RETSAT: variants seen among roughly 807,000 people sequenced by gnomAD.
The protein encoded by RETSAT is all-trans-retinol 13,14-reductase.
RETSAT carries 35 observed loss-of-function variants against 61.6 expected under a neutral mutation model. The observed-to-expected ratio is 0.57, with a 90% confidence interval of 0.43 to 0.75. The LOEUF (loss-of-function observed/expected upper bound fraction) is 0.75. Among genes scored for constraint, RETSAT ranks in the 30% least tolerant of loss-of-function variants. The pLI, the probability that RETSAT is intolerant of heterozygous loss-of-function variation, is 0.00. For synonymous variants in RETSAT, 277 were observed against 310.4 expected (o/e 0.89, Z 1.13); for missense variants, 670 against 759.5 (o/e 0.88, Z 1.38).
At chr2:85,343,494 G>A (rs1683123733) in intron 10 of RETSAT, 113 bp from the exon 11 acceptor site, 1 of 1,527,056 alleles carries the variant, frequency 6.5e-7, no homozygotes. Flanking sequence ...GCTCCAATCA[G>A]ACAGGGGCCA....
Position 85,344,737 on chromosome 2 carries a change from CA to C in RETSAT, c.1118-6del, listed in dbSNP as rs1486306936. 4 of 1,613,774 alleles carry C rather than the reference CA, an allele frequency of 2.5e-6. No homozygotes were observed. The highest frequency in any genetic ancestry group is 3.4e-6 in the Non-Finnish European group (4 of 1,179,770). ...TCCCCAGTTGCTGCTTCACACCTGC[CA>C]GGGGGAGTGGTTGGTGCCTGTGTGG... On this transcript the variant is annotated splice_polypyrimidine_tract_variant and splice_region_variant and intron_variant, in intron 6 of 10. Coordinates refer to ENST00000295802, the MANE Select transcript of RETSAT (RefSeq NM_017750.4).
intron 1 of RETSAT, among the ~76,000 whole-genome samples, chr2:85,353,975 G>A (rs558239116): frequency 6.6e-6 from 1 of 152,296 alleles, no homozygotes; most frequent in Admixed American, 6.5e-5. Flanking sequence ...CCCTGAGCTC[G>A]CATGGGAGGG....
At chr2:85,351,067 G>C (rs771641017) in intron 2 of RETSAT, 46 bp from the exon 3 acceptor site, 2 of 1,607,980 alleles carry the variant, frequency 1.2e-6, no homozygotes, top group Non-Finnish European at 1.7e-6. Context: ...TATGGGGATT[G>C]AGCCCTGGAA....
In RETSAT at chr2:85,343,980, C is replaced by T; in HGVS notation, c.1533+19G>A. ...AGCACCGTGAGGTTCGTCACCACCC[C>T]AAATACTTTACCCCCTACCTTCCCC... On this transcript the variant is annotated intron_variant, in intron 9 of 10. Coordinates refer to ENST00000295802, the MANE Select transcript of RETSAT (RefSeq NM_017750.4). 1.9e-6 allele frequency: 3 copies of T among 1,613,416 alleles called. No homozygotes were observed. The highest frequency in any genetic ancestry group is 2.5e-6 in the Non-Finnish European group (3 of 1,179,650).
At chr2:85,349,655 T>A in intron 4 of RETSAT, 74 bp from the exon 5 acceptor site, 1 of 1,298,610 alleles carries the variant, frequency 7.7e-7, no homozygotes. Context: ...CGTGGAATTC[T>A]GTGAGATAAC....
Position 85,343,329 on chromosome 2 carries a change from C to A in RETSAT, c.1746G>T (p.Leu582=). 3 of 1,614,276 alleles carry A rather than the reference C, an allele frequency of 1.9e-6. No individual in the cohort carries two copies. Among genetic ancestry groups the A allele is most frequent in the Non-Finnish European group, 2.5e-6 (3 of 1,180,048 alleles). ...TCCGCTTCAGGATGGCGCTGCTGCA[C>A]AGCAGGGCACCTTGCAGGGCCCCGA... ...GLVGALQGAL[L]CSSAILKRNL... Residue 582 remains leucine (L), a synonymous_variant, in exon 11 of 11, where the codon CTG becomes CTT. Coordinates refer to ENST00000295802, the MANE Select transcript of RETSAT (RefSeq NM_017750.4).
At chr2:85,351,653 C>T in intron 2 of RETSAT, 27 bp downstream of exon 2, 1 of 1,606,092 alleles carries the variant, frequency 6.2e-7, no homozygotes, top group Non-Finnish European at 8.5e-7. Context: ...CAGCCATGCT[C>T]CCAACCCTTT....
chr2:85,347,404 T>A (rs981426692), intron 5 of RETSAT, among the ~76,000 whole-genome samples: 1 of 152,142 alleles, frequency 6.6e-6, no homozygotes, highest in African/African-American at 2.4e-5. Context: ...AATTTTGGTA[T>A]TTTTAGTAAA....
intron 5 of RETSAT, among the ~76,000 whole-genome samples, chr2:85,347,664 G>C (rs755216564): frequency 6.6e-6 from 1 of 152,226 alleles, no homozygotes; most frequent in Non-Finnish European, 1.5e-5. Context: ...CACTGCGCCC[G>C]GCCTCTTTTA....
chr2:85,353,777 C>T lies in RETSAT; in HGVS notation c.172+559G>A, dbSNP rs571016554. Among the ~76,000 whole-genome samples the T allele has an allele frequency of 2.6e-5, 4 of 152,318 alleles. No homozygotes were observed. The South Asian group carries it at 8.3e-4, about 32-fold the overall frequency. On this transcript the variant is annotated intron_variant, in intron 1 of 10. Coordinates refer to ENST00000295802, the MANE Select transcript of RETSAT (RefSeq NM_017750.4). ...AGCAGAACTCTTTAAACTCTAGAAGCAACCACAAAATATGTTTTAAAGATG... is the reference window on the plus strand; with the variant it reads ...AGCAGAACTCTTTAAACTCTAGAAGTAACCACAAAATATGTTTTAAAGATG...
intron 1 of RETSAT, 87 bp downstream of exon 1, chr2:85,354,249 T>A (rs1683383483): frequency 1.4e-6 from 2 of 1,444,778 alleles, no homozygotes; most frequent in South Asian, 2.4e-5. Context: ...GGCCCACGTC[T>A]GGTAGCGGCT....
rs552070161 is a variant in RETSAT, at chr2:85,343,386, G to C, written c.1694-5C>G. 6.2e-7 allele frequency: 1 copy of C among 1,611,278 alleles called. No individual in the cohort carries two copies. Among genetic ancestry groups the C allele is most frequent in the Middle Eastern group, 1.8e-4 (1 of 5,578 alleles). On this transcript the variant is annotated splice_polypyrimidine_tract_variant and splice_region_variant and intron_variant, in intron 10 of 10. Coordinates refer to ENST00000295802, the MANE Select transcript of RETSAT (RefSeq NM_017750.4). The stretch of plus-strand genomic sequence containing the variant: ...CACAGGTGAAGATATCCTGGCCTAG[G>C]AGGCAAGAGCAGAGGCCCCTGAGCG...
Position 85,342,574 on chromosome 2 carries a change from A to C in RETSAT, c.*668T>G, listed in dbSNP as rs953742747. ...TAAGGAAGACAGACCCGGGACTTCC[A>C]TATGAATTGGATATGATCATCTGAC... On this transcript the variant is annotated 3_prime_UTR_variant, in exon 11 of 11. Coordinates refer to ENST00000295802, the MANE Select transcript of RETSAT (RefSeq NM_017750.4). 6.6e-6 allele frequency: 1 copy of C among 152,540 alleles called. No homozygotes were observed. Among genetic ancestry groups the C allele is most frequent in the Non-Finnish European group, 1.5e-5 (1 of 68,306 alleles). The allele number at this position is 152,540 out of a possible 1,614,324, so 9.4% of individuals were successfully genotyped here.
chr2:85,351,575 G>T, intron 2 of RETSAT, 105 bp downstream of exon 2: 1 of 1,124,106 alleles, frequency 8.9e-7, no homozygotes, highest in Non-Finnish European at 1.3e-6. Flanking sequence ...GAGAGAAGAT[G>T]GCACTTCCAA....
intron 1 of RETSAT, among the ~76,000 whole-genome samples, chr2:85,352,926 G>C (rs1301372664): frequency 5.9e-5 from 9 of 152,148 alleles, no homozygotes; most frequent in Non-Finnish European, 1.5e-5. Flanking sequence ...GGGTACTTCC[G>C]ACACAAGATC....
At chr2:85,345,136 G>A (rs1683171914) in intron 6 of RETSAT, among the ~76,000 whole-genome samples, 1 of 152,152 alleles carries the variant, frequency 6.6e-6, no homozygotes, top group East Asian at 1.9e-4. Flanking sequence ...GGCCATCTCT[G>A]CCTCACCCCT....
Position 85,349,578 on chromosome 2 carries a change from A to G in RETSAT, c.803T>C (p.Val268Ala). 6.2e-7 allele frequency: 1 copy of G among 1,614,060 alleles called. No individual in the cohort carries two copies. The change falls in exon 5 of 11, where the codon GTC (valine) becomes GCC (alanine). Residue 268 changes from valine to alanine, a missense_variant. By Grantham distance (64) the Val-to-Ala change is moderately conservative (BLOSUM62 0). Transcript: ENST00000295802. Reference sequence around the variant, plus strand: ...GGAAAAGGCACTGTGGTTGGGGGTGACACCTGCAGAAGCAAGGAAGGGTGG... The same window carrying G: ...GGAAAAGGCACTGTGGTTGGGGGTGGCACCTGCAGAAGCAAGGAAGGGTGG... ...VLSYIFPTYG[V>A]TPNHSAFSMH...
rs1282044015 is a variant in RETSAT at position 85,351,849 on chromosome 2, G to A, written c.186C>T (p.Asn62=). 1 of 1,613,758 alleles carries A rather than the reference G, an allele frequency of 6.2e-7. No individual in the cohort carries two copies. Among genetic ancestry groups the A allele is most frequent in the African/African-American group, 1.3e-5 (1 of 75,024 alleles). The change falls in exon 2 of 11, where the codon AAC becomes AAT. Residue 62 remains asparagine (N), a synonymous_variant. Transcript: ENST00000295802. The part of the protein sequence containing the change: ...KKVLKQAFSA[N]QVPEKLDVVV... ...CCACATCCAGCTTCTCCGGCACTTG[G>A]TTGGCTGAAAAAGCTACAGCAGAAG...
intron 5 of RETSAT, among the ~76,000 whole-genome samples, chr2:85,348,431 C>T (rs925169822): frequency 2.6e-5 from 4 of 151,988 alleles, no homozygotes; most frequent in Non-Finnish European, 5.9e-5. Flanking sequence ...GAGATTGAGA[C>T]CATCCTGGCT....
Sources: allele counts gnomAD v4.1 joint callset (sites outside exome capture counted in the v4.1 genomes callset), GRCh38; gene constraint gnomAD v4.1.1; transcripts MANE v1.5; gene names NCBI Gene and HGNC (gene_info 2026-07-23, HGNC 2026-07-21).